TERT: variants seen among roughly 807,000 people sequenced by gnomAD.
TERT encodes the protein telomerase catalytic subunit.
A neutral mutation model predicts 104.0 loss-of-function variants in TERT; 42 were observed. That is an observed-to-expected ratio of 0.40 (90% confidence interval 0.32 to 0.52). TERT has a LOEUF of 0.52. Ranked by LOEUF, TERT falls within the 20% of genes least tolerant of loss-of-function variation. The pLI is 0.43. For missense variants in TERT, 1,101 were observed against 1,610.3 expected (o/e 0.68, Z 5.41); for synonymous variants, 781 against 725.6 (o/e 1.08, Z -1.23).
chr5:1,279,814 T>C (rs768095361), intron 4 of TERT, among the ~76,000 whole-genome samples: 2 of 152,184 alleles, frequency 1.3e-5, no homozygotes, highest in African/African-American at 2.4e-5. Context: ...AGTCGTGGCC[T>C]GGTCCCCGGG....
Position 1,292,528 on chromosome 5 carries a change from T to TTA in TERT, c.1573+784_1573+785insTA, listed in dbSNP as rs1554042716. ...ACAATCAACGAACACTTTTTTTTTT[T>TTA]AAAGACAGAGTTTCACTCTTGTCGC... On this transcript the variant is annotated intron_variant, in intron 2 of 15. Coordinates refer to ENST00000310581, the MANE Select transcript of TERT (RefSeq NM_198253.3). The surrounding 1 kb of genome is among the most constrained non-coding windows in gnomAD (Gnocchi z 5.5). Among the ~76,000 whole-genome samples, 138 of 150,886 alleles carry TTA rather than the reference T, an allele frequency of 9.1e-4. No homozygotes were observed. The highest frequency in any genetic ancestry group is 1.4e-3 in the Non-Finnish European group (98 of 67,838).
chr5:1,258,757 G>A, intron 12 of TERT, 98 bp from the exon 13 acceptor site: 1 of 1,062,764 alleles, frequency 9.4e-7, no homozygotes, highest in African/African-American at 1.6e-5. Context: ...GAACAAGAAA[G>A]AGGAACATTT....
intron 5 of TERT, 135 bp from the exon 6 acceptor site, chr5:1,278,931 C>G (rs935052811): frequency 1.2e-5 from 15 of 1,253,904 alleles, no homozygotes; most frequent in African/African-American, 5.9e-5. Flanking sequence ...AAGGGCAGGG[C>G]GGGCTGTGTC....
chr5:1,293,659 G>A lies in TERT; in HGVS notation c.1227C>T (p.Leu409=). The A allele has an allele frequency of 6.4e-7, 1 of 1,564,542 alleles. No homozygotes were observed. Among genetic ancestry groups the A allele is most frequent in the East Asian group, 2.3e-5 (1 of 42,606 alleles). The part of the protein sequence containing the change: ...NHAQCPYGVL[L]KTHCPLRAAV... ...CAGCTCGCAGCGGGCAGTGCGTCTT[G>A]AGGAGCACCCCGTAGGGGCACTGCG... Residue 409 remains leucine, a synonymous_variant, in exon 2 of 16, where the codon CTC becomes CTT. Transcript: ENST00000310581.
chr5:1,289,462 G>C (rs879464866), intron 2 of TERT, among the ~76,000 whole-genome samples: 11 of 24,926 alleles, frequency 4.4e-4, no homozygotes, highest in South Asian at 3.0e-3. Flanking sequence ...ACCCGGGGAC[G>C]GCGCCTCACT....
At chr5:1,276,682 A>G (rs371791096) in intron 6 of TERT, among the ~76,000 whole-genome samples, 1 of 46,478 alleles carries the variant, frequency 2.2e-5, no homozygotes, top group Non-Finnish European at 9.1e-5. Flanking sequence ...CACCTACCCC[A>G]CACATGAAAA....
chr5:1,278,752 G>A lies in TERT; in HGVS notation c.2175C>T (p.Leu725=). ...TGATGATGCTGGCGATGACCTCCGT[G>A]AGCCTGTCCTGGGGGATGGTGTCGT... is the stretch of plus-strand genomic sequence containing the variant. ...GAYDTIPQDR[L]TEVIASIIKP... The change falls in exon 6 of 16, where the codon CTC becomes CTT. Residue 725 remains leucine, a synonymous_variant. Transcript: ENST00000310581. The A allele has an allele frequency of 6.2e-7, 1 of 1,614,162 alleles. No homozygotes were observed. The highest frequency in any genetic ancestry group is 8.5e-7 in the Non-Finnish European group (1 of 1,180,048).
intron 2 of TERT, among the ~76,000 whole-genome samples, chr5:1,285,278 C>A (rs932792019): frequency 2.0e-5 from 3 of 151,556 alleles, no homozygotes; most frequent in African/African-American, 7.3e-5. Context: ...CCGGACACTG[C>A]ACATCCAGCT....
chr5:1,291,100 C>A (rs796739400), intron 2 of TERT, among the ~76,000 whole-genome samples: 18 of 69,024 alleles, frequency 2.6e-4, no homozygotes, highest in African/African-American at 6.4e-4. Flanking sequence ...ACCTGGGGAC[C>A]GCGCCTCACT....
intron 5 of TERT, 42 bp downstream of exon 5, chr5:1,279,249 C>A: frequency 6.5e-7 from 1 of 1,543,942 alleles, no homozygotes; most frequent in Non-Finnish European, 8.7e-7. Context: ...CAGCCACTCC[C>A]AAGGTCCAGC....
chr5:1,291,952 C>A (rs548322891), intron 2 of TERT, among the ~76,000 whole-genome samples: 117 of 152,280 alleles, frequency 7.7e-4, no homozygotes, highest in African/African-American at 2.7e-3. Flanking sequence ...CCACCTGAGC[C>A]GCAGCAGGTG....
In TERT at chr5:1,270,998, A is replaced by G. The variant is rs1211906071; in HGVS notation, c.2468+121T>C. The stretch of plus-strand genomic sequence containing the variant: ...AGCCGGAGGGGGCGGGGGCCAGAAA[A>G]GGAGACTCTGGTGGCCCCGGGCAGA... On this transcript the variant is annotated intron_variant, in intron 8 of 15. Transcript: ENST00000310581. The surrounding 1 kb of genome is among the most constrained non-coding windows in gnomAD (Gnocchi z 8.3). 1.0e-5 allele frequency: 8 copies of G among 794,386 alleles called. No homozygotes were observed. Among genetic ancestry groups the G allele is most frequent in the Non-Finnish European group, 6.3e-6 (3 of 478,316 alleles). 49.2% of individuals were successfully genotyped at this position (794,386 alleles called of 1,614,324 possible).
Position 1,295,035 on chromosome 5 carries a change from G to GAATT in TERT, c.-47_-46insAATT, listed in dbSNP as rs746193036. ...GGGCTTCCCACGTGCGCAGCAGGAC[G>GAATT]CAGCGCTGCCTGAAACTCGCGCCGC... is the stretch of plus-strand genomic sequence containing the variant. On this transcript the variant is annotated 5_prime_UTR_variant, in exon 1 of 16. Coordinates refer to ENST00000310581, the MANE Select transcript of TERT (RefSeq NM_198253.3). The GAATT allele has an allele frequency of 8.2e-7, 1 of 1,225,222 alleles. No homozygotes were observed. The highest frequency in any genetic ancestry group is 3.0e-5 in the South Asian group (1 of 32,918). 75.9% of individuals were successfully genotyped at this position (1,225,222 alleles called of 1,614,324 possible).
In TERT at chr5:1,256,430, G is replaced by GC. The variant is rs1313385737; in HGVS notation, c.3033-1020dup. 6.6e-6 allele frequency among the ~76,000 whole-genome samples: 1 copy of GC among 150,436 alleles called. No homozygotes were observed. The highest frequency in any genetic ancestry group is 2.5e-5 in the African/African-American group (1 of 40,412). On this transcript the variant is annotated intron_variant, in intron 13 of 15. Coordinates refer to ENST00000310581, the MANE Select transcript of TERT (RefSeq NM_198253.3). The surrounding 1 kb of genome is among the most constrained non-coding windows in gnomAD (Gnocchi z 7.0). ...GTGCTCATATGTGCGTGTGATCAGA[G>GC]CCCCCGTGTACCTGGTCTGACCCTC...
rs1438513937 is a variant in TERT, at chr5:1,257,153, C to A, written c.3032+1445G>T. Among the ~76,000 whole-genome samples, 1 of 152,194 alleles carries A rather than the reference C, an allele frequency of 6.6e-6. No homozygotes were observed. Among genetic ancestry groups the A allele is most frequent in the Non-Finnish European group, 1.5e-5 (1 of 68,018 alleles). Reference sequence around the variant, plus strand: ...TCAAGCGACTACCCAAGGGTCCCCACATGGGTGGGGAAACTCAGCCGCCCT... The same window carrying A: ...TCAAGCGACTACCCAAGGGTCCCCAAATGGGTGGGGAAACTCAGCCGCCCT... On this transcript the variant is annotated intron_variant, in intron 13 of 15. Coordinates refer to ENST00000310581, the MANE Select transcript of TERT (RefSeq NM_198253.3). The surrounding 1 kb of genome is among the most constrained non-coding windows in gnomAD (Gnocchi z 5.6).
chr5:1,281,322 CTG>C (rs1750007269), intron 3 of TERT, among the ~76,000 whole-genome samples: 1 of 152,184 alleles, frequency 6.6e-6, no homozygotes, highest in African/African-American at 2.4e-5. Flanking sequence ...AGCCCAGAGG[CTG>C]TGTTACCTCT....
intron 3 of TERT, among the ~76,000 whole-genome samples, chr5:1,281,861 G>A (rs947594188): frequency 6.6e-6 from 1 of 152,192 alleles, no homozygotes; most frequent in African/African-American, 2.4e-5. Flanking sequence ...GCCAAGGTGG[G>A]TGGATCACCT....
intron 2 of TERT, among the ~76,000 whole-genome samples, chr5:1,284,268 C>A (rs1750298494): frequency 1.1e-5 from 1 of 91,660 alleles, no homozygotes; most frequent in Non-Finnish European, 2.2e-5. Flanking sequence ...CTGGCGACCA[C>A]ACCCCAGACC....
In TERT at chr5:1,287,791, T is replaced by A. The variant is rs1019674188; in HGVS notation, c.1574-5167A>T. Among the ~76,000 whole-genome samples, 1 of 151,890 alleles carries A rather than the reference T, an allele frequency of 6.6e-6. No homozygotes were observed. The highest frequency in any genetic ancestry group is 1.5e-5 in the Non-Finnish European group (1 of 67,994). ...GGCCTCCTTCTTGGAATTTCATGCATCTAGAAGGAGACAGAAGCTTTGCAC... is the reference window on the plus strand; with the variant it reads ...GGCCTCCTTCTTGGAATTTCATGCAACTAGAAGGAGACAGAAGCTTTGCAC... On this transcript the variant is annotated intron_variant, in intron 2 of 15. Coordinates refer to ENST00000310581, the MANE Select transcript of TERT (RefSeq NM_198253.3). This position sits in a 1 kb window ranked among gnomAD's most constrained non-coding sequence, Gnocchi z 4.3.
Sources: allele counts gnomAD v4.1 joint callset (sites outside exome capture counted in the v4.1 genomes callset), GRCh38; gene constraint gnomAD v4.1.1; non-coding constraint Gnocchi (gnomAD v3.1); transcripts MANE v1.5; gene names NCBI Gene and HGNC (gene_info 2026-07-23, HGNC 2026-07-21).